SH3BP5: variants seen among roughly 807,000 people sequenced by gnomAD.
The protein encoded by SH3BP5 is SH3 domain-binding protein 5.
Under a neutral mutation model 43.3 loss-of-function variants are expected in SH3BP5, and 22 were observed. The observed-to-expected ratio is 0.51, with a 90% CI of 0.36 to 0.73. The LOEUF (loss-of-function observed/expected upper bound fraction) is 0.73. Among genes scored for constraint, SH3BP5 ranks in the 30% least tolerant of loss-of-function variants. The pLI is 0.00. For missense variants in SH3BP5, 529 were observed against 586.9 expected (o/e 0.90, Z 1.02); for synonymous variants, 255 against 225.8 (o/e 1.13, Z -1.16).
At chr3:15,320,965 A>G (rs1303525352) in intron 2 of SH3BP5, among the ~76,000 whole-genome samples, 4 of 152,208 alleles carry the variant, frequency 2.6e-5, no homozygotes, top group Admixed American at 6.5e-5. Context: ...TTTGTATATT[A>G]TCTTGTTGAT....
rs1696187179 is a variant in SH3BP5 at position 15,256,153 on chromosome 3, A to C, written c.1301T>G (p.Leu434Arg). The part of the protein sequence containing the change: ...GQALENRMKQ[L>R]SLQCSKGRDG... ...TCTTCCCTTTGAGCACTGTAGGGAG[A>C]GCTGCTTCATCCGGTTCTCCAAGGC... The change falls in exon 9 of 9, where the codon CTC becomes CGC. Residue 434 changes from leucine to arginine, a missense_variant. By Grantham distance (102) the Leu-to-Arg change is moderately radical (BLOSUM62 -2). Around this residue, in one of 3 missense-constraint regions of SH3BP5, gnomAD observed 369 missense variants for 384.3 expected, o/e 0.96. Transcript: ENST00000383791. 6.2e-7 allele frequency: 1 copy of C among 1,614,000 alleles called. No individual in the cohort carries two copies. The highest frequency in any genetic ancestry group is 1.7e-5 in the Admixed American group (1 of 60,002).
intron 6 of SH3BP5, 143 bp from the exon 7 acceptor site, chr3:15,259,193 T>C: frequency 1.5e-6 from 1 of 664,144 alleles, no homozygotes; most frequent in Non-Finnish European, 2.6e-6. Context: ...TAATTACCAT[T>C]GTAACTGCTA....
intron 2 of SH3BP5, among the ~76,000 whole-genome samples, chr3:15,322,017 C>T (rs536049387): frequency 6.6e-6 from 1 of 152,168 alleles, no homozygotes; most frequent in South Asian, 2.1e-4. Flanking sequence ...TCAGCTTGAC[C>T]TACATAGTGA....
chr3:15,256,759 G>A (rs1696217942), intron 8 of SH3BP5, 94 bp downstream of exon 8: 1 of 1,379,606 alleles, frequency 7.2e-7, no homozygotes, highest in South Asian at 1.4e-5. Context: ...GCAGCATGGG[G>A]GCCCTGAGAC....
chr3:15,265,512 T>TCTCACTCACACACACACA lies in SH3BP5; in HGVS notation c.496-3224_496-3223insTGTGTGTGTGTGAGTGAG, dbSNP rs1318765546. ...GCCTGAGCTACAGGGCGAGACTCCG[T>TCTCACTCACACACACACA]CACACACACACACACACACACACAC... On this transcript the variant is annotated intron_variant, in intron 4 of 8. Coordinates refer to ENST00000383791, the MANE Select transcript of SH3BP5 (RefSeq NM_004844.5). Among the ~76,000 whole-genome samples, 204 of 107,986 alleles carry TCTCACTCACACACACACA rather than the reference T, an allele frequency of 1.9e-3. 4 individuals are homozygous for TCTCACTCACACACACACA. The highest frequency in any genetic ancestry group is 8.1e-3 in the African/African-American group (196 of 24,116). 70.8% of individuals were successfully genotyped at this position (107,986 alleles called of 152,430 possible).
rs1231878142 is a variant in SH3BP5, at chr3:15,257,102, C to G, written c.901G>C (p.Ala301Pro). The change falls in exon 8 of 9, where the codon GCC becomes CCC. Residue 301 changes from alanine (A) to proline (P), a missense_variant. This residue lies in a region of SH3BP5 where 369 missense variants were observed against 384.3 expected (regional missense o/e 0.96). Coordinates refer to ENST00000383791, the MANE Select transcript of SH3BP5 (RefSeq NM_004844.5). ...TTGCTACAGCTGTCATCTTCAAAGG[C>G]CTCCGAGGCCACTAAGTTGAGAGAG... ...EPDAISVASE[A>P]FEDDSCSNFV... 2 of 1,613,646 alleles carry G rather than the reference C, an allele frequency of 1.2e-6. No individual in the cohort carries two copies. Among genetic ancestry groups the G allele is most frequent in the Non-Finnish European group, 1.7e-6 (2 of 1,179,720 alleles).
At chr3:15,283,645 T>C (rs1697188080) in intron 3 of SH3BP5, among the ~76,000 whole-genome samples, 1 of 152,232 alleles carries the variant, frequency 6.6e-6, no homozygotes, top group Admixed American at 6.5e-5. Flanking sequence ...TCTTCTGCGA[T>C]GATTTAAAGC....
intron 2 of SH3BP5, among the ~76,000 whole-genome samples, chr3:15,309,912 C>T (rs554905427): frequency 1.4e-5 from 2 of 144,616 alleles, no homozygotes; most frequent in African/African-American, 2.9e-5. Flanking sequence ...CTCCACCCCC[C>T]CCCCATAAGA....
intron 3 of SH3BP5, among the ~76,000 whole-genome samples, chr3:15,273,654 G>A (rs553475199): frequency 6.6e-6 from 1 of 152,282 alleles, no homozygotes; most frequent in Admixed American, 6.5e-5. Context: ...AGTAAGCACT[G>A]GGCACCTGTC....
At chr3:15,301,251 C>T (rs775609062) in intron 3 of SH3BP5, among the ~76,000 whole-genome samples, 1 of 152,140 alleles carries the variant, frequency 6.6e-6, no homozygotes, top group Non-Finnish European at 1.5e-5. Flanking sequence ...ACCTAGCTAC[C>T]AGGTGGGAAA....
At chr3:15,340,554 C>T (rs375688603) in intron 1 of SH3BP5, among the ~76,000 whole-genome samples, 6 of 151,916 alleles carry the variant, frequency 3.9e-5, no homozygotes, top group Non-Finnish European at 8.8e-5. Context: ...AGTTTGAGAC[C>T]AACCTGGCCA....
chr3:15,337,881 C>T (rs13073458), intron 1 of SH3BP5, among the ~76,000 whole-genome samples: 1 of 123,620 alleles, frequency 8.1e-6, no homozygotes, highest in African/African-American at 3.3e-5. Flanking sequence ...TGCCATGGCA[C>T]TATAGCCTGG....
chr3:15,304,128 C>T lies in SH3BP5; in HGVS notation c.305G>A (p.Trp102Ter). 1 of 1,614,160 alleles carries T rather than the reference C, an allele frequency of 6.2e-7. No individual in the cohort carries two copies. The highest frequency in any genetic ancestry group is 8.5e-7 in the Non-Finnish European group (1 of 1,180,018). The change falls in exon 3 of 9, where the codon TGG becomes TAG. Residue 102 changes from tryptophan to a stop codon, truncating the protein, a stop_gained. Coordinates refer to ENST00000383791, the MANE Select transcript of SH3BP5 (RefSeq NM_004844.5). LOFTEE classifies it high-confidence loss of function. ...CTGCCTCGCCACCCTCCGTGCCTCC[C>T]AGTAGGGCTTGGAGTCTTCCACAGC... The part of the protein sequence containing the change: ...GKAVEDSKPY[W>*]EARRVARQAQ...
At chr3:15,333,650 T>C (rs776900352), upstream of SH3BP5, among the ~76,000 whole-genome samples, 2 of 152,102 alleles carry the variant, frequency 1.3e-5, no homozygotes, top group Non-Finnish European at 2.9e-5. Flanking sequence ...AATGAATAAA[T>C]AGTCCTGCTC....
intron 2 of SH3BP5, among the ~76,000 whole-genome samples, chr3:15,317,654 T>C (rs1201790989): frequency 1.3e-5 from 2 of 152,206 alleles, no homozygotes; most frequent in Admixed American, 1.3e-4. Context: ...ACAGCATAGA[T>C]TGACTACAGA....
intron 3 of SH3BP5, 26 bp downstream of exon 3, chr3:15,304,077 G>T: frequency 6.3e-7 from 1 of 1,599,892 alleles, no homozygotes; most frequent in Non-Finnish European, 8.6e-7. Context: ...CTCGAGGTAG[G>T]GGAGACATCT....
intron 6 of SH3BP5, 134 bp downstream of exon 6, chr3:15,259,627 G>C: frequency 1.1e-6 from 1 of 896,350 alleles, no homozygotes; most frequent in Non-Finnish European, 1.9e-6. Context: ...TTTGAGGTCT[G>C]AAAACTCAGT....
chr3:15,259,634 C>T (rs1399569981), intron 6 of SH3BP5, 127 bp downstream of exon 6: 2 of 928,326 alleles, frequency 2.2e-6, no homozygotes, highest in African/African-American at 1.6e-5. Flanking sequence ...TCTGAAAACT[C>T]AGTAAAGCCT....
At chr3:15,337,253 A>G (rs1042807221), upstream of SH3BP5, among the ~76,000 whole-genome samples, 3 of 151,390 alleles carry the variant, frequency 2.0e-5, no homozygotes, top group Non-Finnish European at 4.4e-5. Flanking sequence ...CCCAGCTAAT[A>G]TTTATATTTT....
Sources: gnomAD v4.1 joint callset for allele counts (sites outside exome capture counted in the v4.1 genomes callset) on GRCh38, gnomAD v4.1.1 for gene constraint, gnomAD v4.1.1 regional missense constraint, MANE v1.5 for transcripts, NCBI Gene and HGNC (gene_info 2026-07-23, HGNC 2026-07-21) for gene names.